The following COBL variants were observed in gnomAD, a reference collection of about 807,000 sequenced individuals.
COBL encodes protein cordon-bleu.
Under a neutral mutation model 98.8 loss-of-function variants are expected in COBL, and 51 were observed. The observed-to-expected ratio is 0.52, with a 90% CI of 0.41 to 0.65. The LOEUF is 0.65. Among genes scored for constraint, COBL ranks in the 30% least tolerant of loss-of-function variants. COBL has a pLI of 0.00. For missense variants in COBL, 1,617 were observed against 1,617.5 expected (o/e 1.00, Z 0.01); for synonymous variants, 634 against 651.7 (o/e 0.97, Z 0.41).
At chr7:51,089,501 C>A (rs540809907) in intron 6 of COBL, among the ~76,000 whole-genome samples, 1 of 133,794 alleles carries the variant, frequency 7.5e-6, no homozygotes, top group Non-Finnish European at 1.6e-5. Context: ...GGCAACAGGG[C>A]AAGACTCCGT....
At position 51,028,618 on chromosome 7, in the gene COBL, C is replaced by G. The variant is rs1259496386; in HGVS notation, c.2478G>C (p.Arg826=). The G allele has an allele frequency of 6.2e-7, 1 of 1,613,530 alleles. No individual in the cohort carries two copies. Among genetic ancestry groups the G allele is most frequent in the Non-Finnish European group, 8.5e-7 (1 of 1,179,746 alleles). The stretch of plus-strand genomic sequence containing the variant: ...GGTTTCTCCCCTCCCCTAGGGGGTT[C>G]CGGCCCTCATGGTGGGCAGACTTCT... ...PQQKSAHHEG[R]NPLGEGRNQP... The change falls in exon 10 of 13, where the codon CGG becomes CGC. Residue 826 remains arginine, a synonymous_variant. Coordinates refer to ENST00000265136, the MANE Select transcript of COBL (RefSeq NM_015198.5).
chr7:51,198,723 TCA>T (rs1483674037), intron 2 of COBL, among the ~76,000 whole-genome samples: 1 of 152,214 alleles, frequency 6.6e-6, no homozygotes, highest in African/African-American at 2.4e-5. Flanking sequence ...GATTGGGAAC[TCA>T]CAGGGCACTG....
At chr7:51,030,719 C>T in intron 9 of COBL, 93 bp downstream of exon 9, 1 of 832,402 alleles carries the variant, frequency 1.2e-6, no homozygotes, top group Non-Finnish European at 2.0e-6. Flanking sequence ...TGTTTCCTCA[C>T]ATAGATACAT....
At chr7:51,035,021 C>G (rs980084588) in intron 8 of COBL, 2 of 152,208 alleles carry the variant, frequency 1.3e-5, no homozygotes, top group Non-Finnish European at 2.9e-5. Flanking sequence ...AGCTCAGCAC[C>G]GGCAAGTTTC....
intron 5 of COBL, among the ~76,000 whole-genome samples, chr7:51,181,485 G>A (rs1788949102): frequency 2.0e-5 from 3 of 152,302 alleles, no homozygotes; most frequent in Non-Finnish European, 2.9e-5. Flanking sequence ...ACCAATCAGC[G>A]TTATTTCTGT....
chr7:51,312,147 C>A (rs1399946299), intron 1 of COBL, among the ~76,000 whole-genome samples: 2 of 151,498 alleles, frequency 1.3e-5, no homozygotes, highest in Admixed American at 1.3e-4. Context: ...CATGGTGAAA[C>A]CTCGTCTCTA....
intron 5 of COBL, among the ~76,000 whole-genome samples, chr7:51,162,230 A>T (rs1786892929): frequency 6.6e-6 from 1 of 152,144 alleles, no homozygotes; most frequent in Non-Finnish European, 1.5e-5. Context: ...CCATGTCCCC[A>T]CTAAGCCAGA....
Position 51,219,745 on chromosome 7 carries a change from C to T in COBL, c.241G>A (p.Gly81Arg), listed in dbSNP as rs1176160679. Residue 81 changes from glycine to arginine, a missense_variant, in exon 2 of 13, where the codon GGG becomes AGG. Physicochemically the swap from Gly to Arg is moderately radical, Grantham distance 125 (BLOSUM62 -2). Coordinates refer to ENST00000265136, the MANE Select transcript of COBL (RefSeq NM_015198.5). ...SGLEKRSVLNGSHAMMDLLVE... is the reference protein window; with the variant it reads ...SGLEKRSVLNRSHAMMDLLVE... ...TCCTGCAGCACCGGCTCTCACCTCC[C>T]ATTGAGCACGCTCCTCTTCTCCAGC... 1 of 1,613,638 alleles carries T rather than the reference C, an allele frequency of 6.2e-7. No homozygotes were observed. The highest frequency in any genetic ancestry group is 1.7e-5 in the Admixed American group (1 of 59,958).
chr7:51,038,267 C>A (rs1208250275), intron 8 of COBL, among the ~76,000 whole-genome samples: 1 of 152,174 alleles, frequency 6.6e-6, no homozygotes, highest in Non-Finnish European at 1.5e-5. Context: ...CCAATGCTGC[C>A]ATGTATGAAG....
chr7:51,147,037 C>G (rs1004915394), intron 5 of COBL, among the ~76,000 whole-genome samples: 4 of 152,126 alleles, frequency 2.6e-5, no homozygotes, highest in African/African-American at 9.7e-5. Context: ...GGCCAGGGTC[C>G]CTGCATAGGG....
intron 12 of COBL, among the ~76,000 whole-genome samples, chr7:51,018,121 G>A (rs1029585038): frequency 2.6e-5 from 4 of 152,168 alleles, no homozygotes; most frequent in South Asian, 2.1e-4. Flanking sequence ...AGTATTCTAG[G>A]TACTTTCCAT....
chr7:51,210,867 G>A (rs1792352447), intron 2 of COBL, among the ~76,000 whole-genome samples: 1 of 152,140 alleles, frequency 6.6e-6, no homozygotes, highest in Non-Finnish European at 1.5e-5. Flanking sequence ...ACTCCAAACA[G>A]CCAGTTCTTT....
intron 1 of COBL, among the ~76,000 whole-genome samples, chr7:51,236,561 T>C (rs997625524): frequency 4.6e-5 from 7 of 152,142 alleles, no homozygotes; most frequent in Non-Finnish European, 1.5e-5. Flanking sequence ...GGTGTTCTCA[T>C]CAGCCAGAAC....
intron 6 of COBL, among the ~76,000 whole-genome samples, chr7:51,116,391 G>A (rs527407649): frequency 6.6e-6 from 1 of 152,216 alleles, no homozygotes; most frequent in South Asian, 2.1e-4. Flanking sequence ...ATTAGATTAA[G>A]TATTATAACC....
intron 1 of COBL, among the ~76,000 whole-genome samples, chr7:51,273,703 C>T (rs1193320220): frequency 6.6e-6 from 1 of 152,138 alleles, no homozygotes; most frequent in Admixed American, 6.5e-5. Flanking sequence ...ACTCAAGATT[C>T]TAAAAATGAA....
intron 6 of COBL, among the ~76,000 whole-genome samples, chr7:51,130,687 AG>A (rs1406626864): frequency 1.3e-4 from 20 of 152,332 alleles, no homozygotes; most frequent in African/African-American, 3.8e-4. Context: ...TCTGCGGAAC[AG>A]GATCAAGAAC....
chr7:51,165,020 A>T (rs1424623310), intron 5 of COBL, among the ~76,000 whole-genome samples: 5 of 152,106 alleles, frequency 3.3e-5, no homozygotes, highest in Non-Finnish European at 7.4e-5. Flanking sequence ...GAAGAAATTG[A>T]ATCATACCAC....
At chr7:51,292,632 T>C (rs531283758) in intron 1 of COBL, among the ~76,000 whole-genome samples, 1 of 152,360 alleles carries the variant, frequency 6.6e-6, no homozygotes, top group Non-Finnish European at 1.5e-5. Flanking sequence ...CTGTGAGACC[T>C]GCTGCCAGCT....
chr7:51,033,930 G>A (rs1479108573), intron 8 of COBL: 2 of 152,282 alleles, frequency 1.3e-5, no homozygotes, highest in African/African-American at 2.4e-5. Flanking sequence ...CCCAGGCTCC[G>A]GGCTCCCTGC....
Sources: allele counts gnomAD v4.1 joint callset (sites outside exome capture counted in the v4.1 genomes callset), GRCh38; gene constraint gnomAD v4.1.1; transcripts MANE v1.5; gene names NCBI Gene and HGNC (gene_info 2026-07-23, HGNC 2026-07-21).